The following RORB variants were observed in gnomAD, a reference collection of about 807,000 sequenced individuals.
RORB encodes the protein RAR related orphan receptor B.
In RORB, 6 loss-of-function variants were observed where a neutral mutation model predicts 59.1. The observed-to-expected ratio is 0.10, with a 90% CI of 0.06 to 0.20. The LOEUF is 0.20. RORB is among the 10% of genes least tolerant of loss of function. The pLI is 1.00. For missense variants in RORB, 320 were observed against 560.5 expected (o/e 0.57, Z 4.33); for synonymous variants, 215 against 204.5 (o/e 1.05, Z -0.44).
chr9:74,604,030 A>G (rs1444735038), intron 1 of RORB, among the ~76,000 whole-genome samples: 1 of 140,666 alleles, frequency 7.1e-6, no homozygotes, highest in South Asian at 2.5e-4. Flanking sequence ...GTATATGGAA[A>G]GGTAGCTTAA....
chr9:74,576,680 C>T (rs542480796), intron 1 of RORB, among the ~76,000 whole-genome samples: 2 of 151,904 alleles, frequency 1.3e-5, no homozygotes, highest in African/African-American at 2.4e-5. Flanking sequence ...TTTTTGAACC[C>T]GCCTGGGAAA....
At chr9:74,579,453 T>C (rs1822687594) in intron 1 of RORB, among the ~76,000 whole-genome samples, 1 of 152,128 alleles carries the variant, frequency 6.6e-6, no homozygotes, top group Admixed American at 6.6e-5. Flanking sequence ...GCTTTCCTCC[T>C]GGACAACAGA....
At chr9:74,639,227 C>A (rs1334241648) in intron 3 of RORB, among the ~76,000 whole-genome samples, 1 of 152,214 alleles carries the variant, frequency 6.6e-6, no homozygotes, top group African/African-American at 2.4e-5. Flanking sequence ...CAAGATAGCT[C>A]AGGCATGTCC....
At chr9:74,590,898 C>A (rs1025143030) in intron 1 of RORB, among the ~76,000 whole-genome samples, 2 of 152,126 alleles carry the variant, frequency 1.3e-5, no homozygotes, top group Non-Finnish European at 2.9e-5. Context: ...CGGATTCAAG[C>A]AATTCCTCTC....
At chr9:74,617,793 A>T (rs182892775) in intron 1 of RORB, among the ~76,000 whole-genome samples, 1 of 152,256 alleles carries the variant, frequency 6.6e-6, no homozygotes, top group East Asian at 1.9e-4. Flanking sequence ...TGGTGTGCAA[A>T]TGAGAATACT....
intron 4 of RORB, 133 bp from the exon 5 acceptor site, chr9:74,660,484 T>C (rs1256711098): frequency 1.8e-5 from 12 of 661,020 alleles, no homozygotes; most frequent in Non-Finnish European, 2.6e-5. Context: ...GATTTTAAGA[T>C]AGATAGCAAT....
chr9:74,641,090 C>T (rs912679144), intron 3 of RORB, among the ~76,000 whole-genome samples: 1 of 152,140 alleles, frequency 6.6e-6, no homozygotes, highest in Non-Finnish European at 1.5e-5. Context: ...GTGGGAATAC[C>T]GTCACAAAAG....
rs114835848 is a variant in RORB at position 74,526,333 on chromosome 9, T to C, written c.7+28350T>C. On this transcript the variant is annotated intron_variant, in intron 1 of 9. Transcript: ENST00000376896. ...AAGGTTTACATTTAACTATGTGGCT[T>C]GAGCAACCAACGAGAAAACCCTAAA... Among the ~76,000 whole-genome samples, 903 of 151,956 alleles carry C rather than the reference T, an allele frequency of 5.9e-3. 13 individuals carry two copies. Among genetic ancestry groups the C allele is most frequent in the African/African-American group, 0.021 (875 of 41,496 alleles).
chr9:74,658,505 G>A (rs1166775896), intron 4 of RORB, among the ~76,000 whole-genome samples: 2 of 152,022 alleles, frequency 1.3e-5, no homozygotes, highest in African/African-American at 4.8e-5. Context: ...TAAAAGAACA[G>A]ATAAAGTTTT....
chr9:74,617,751 T>C (rs1361872608), intron 1 of RORB, among the ~76,000 whole-genome samples: 2 of 152,160 alleles, frequency 1.3e-5, no homozygotes, highest in Admixed American at 6.5e-5. Context: ...ACGTTCTAAA[T>C]TATCATTTTG....
chr9:74,510,362 T>G (rs1351687407), intron 1 of RORB, among the ~76,000 whole-genome samples: 1 of 152,208 alleles, frequency 6.6e-6, no homozygotes, highest in Non-Finnish European at 1.5e-5. Context: ...TCTTCTTTGC[T>G]TGCTCCATTT....
intron 3 of RORB, 64 bp downstream of exon 3, chr9:74,634,836 T>C: frequency 6.9e-7 from 1 of 1,450,550 alleles, no homozygotes; most frequent in Non-Finnish European, 9.3e-7. Context: ...CTGGAGTCTA[T>C]TTAAGCTGCT....
chr9:74,652,474 T>G (rs936051157), intron 4 of RORB, among the ~76,000 whole-genome samples: 11 of 152,248 alleles, frequency 7.2e-5, no homozygotes, highest in African/African-American at 2.7e-4. Flanking sequence ...ACTTTATTAA[T>G]CTATTCATTC....
At chr9:74,521,437 A>T (rs1357504668) in intron 1 of RORB, among the ~76,000 whole-genome samples, 1 of 151,868 alleles carries the variant, frequency 6.6e-6, no homozygotes, top group Non-Finnish European at 1.5e-5. Flanking sequence ...ACTCCACTGT[A>T]CAAAATTAAA....
rs189298794 is a variant in RORB, at chr9:74,692,954, G to T, written c.*7336G>T. Reference sequence around the variant, plus strand: ...AGTTTTTTTAATCATAAATATACTAGAATAAAACAGCACTCCCTAACAATT... The same window carrying T: ...AGTTTTTTTAATCATAAATATACTATAATAAAACAGCACTCCCTAACAATT... On this transcript the variant is annotated 3_prime_UTR_variant, in exon 10 of 10. Coordinates refer to ENST00000376896, the MANE Select transcript of RORB (RefSeq NM_006914.4). 6.6e-6 allele frequency: 1 copy of T among 152,094 alleles called. No homozygotes were observed. The highest frequency in any genetic ancestry group is 6.5e-5 in the Admixed American group (1 of 15,274). 9.4% of individuals were successfully genotyped at this position (152,094 alleles called of 1,614,324 possible). A position where few individuals can be genotyped will look rare whatever the true frequency, so the allele number is the denominator to read the frequency against.
intron 9 of RORB, among the ~76,000 whole-genome samples, chr9:74,678,455 G>A (rs910834115): frequency 3.9e-5 from 6 of 152,084 alleles, no homozygotes; most frequent in African/African-American, 7.2e-5. Flanking sequence ...AGAGAAGCAT[G>A]TCTTTCTATT....
In RORB at chr9:74,593,754, A is replaced by G. The variant is rs141252250; in HGVS notation, c.8-36528A>G. On this transcript the variant is annotated intron_variant, in intron 1 of 9. Coordinates refer to ENST00000376896, the MANE Select transcript of RORB (RefSeq NM_006914.4). Reference sequence around the variant, plus strand: ...CAGGAAAATGCACTAATCCAGCCAGAAGAGCAATAGATTCTCAGCAAACAG... The same window carrying G: ...CAGGAAAATGCACTAATCCAGCCAGGAGAGCAATAGATTCTCAGCAAACAG... Among the ~76,000 whole-genome samples the G allele has an allele frequency of 1.2e-3, 187 of 152,330 alleles. 1 individual carries two copies. Among genetic ancestry groups the G allele is most frequent in the African/African-American group, 4.3e-3 (178 of 41,586 alleles).
rs978445212 is a variant in RORB, at chr9:74,668,830, C to T, written c.1111+929C>T. Among the ~76,000 whole-genome samples the T allele has an allele frequency of 2.6e-5, 4 of 152,220 alleles. No individual in the cohort carries two copies. In the Middle Eastern group the frequency reaches 0.01, roughly 388 times the overall value. On this transcript the variant is annotated intron_variant, in intron 8 of 9. Transcript: ENST00000376896. ...AAATCTTCATATAACTTGACCTACA[C>T]AGTTCAAACCTATGTTGTAGAAGGG...
chr9:74,595,920 A>T (rs1248869151), intron 1 of RORB, among the ~76,000 whole-genome samples: 6 of 152,130 alleles, frequency 3.9e-5, no homozygotes, highest in Non-Finnish European at 8.8e-5. Context: ...CCTCTGTCTT[A>T]GCTAGTAAAT....
Sources: allele counts gnomAD v4.1 joint callset (sites outside exome capture counted in the v4.1 genomes callset), GRCh38; gene constraint gnomAD v4.1.1; transcripts MANE v1.5; gene names NCBI Gene and HGNC (gene_info 2026-07-23, HGNC 2026-07-21).